TFG: variants seen among roughly 807,000 people sequenced by gnomAD.
TFG encodes the protein protein TFG.
In TFG, 22 loss-of-function variants were observed where a neutral mutation model predicts 51.4. The ratio of observed to expected loss-of-function variants is 0.43; its 90% confidence interval spans 0.31 to 0.61. The LOEUF (loss-of-function observed/expected upper bound fraction) is 0.61, where lower values mean the gene tolerates loss of function less well. Ranked by LOEUF, TFG falls within the 20% of genes least tolerant of loss-of-function variation. The pLI, the probability that TFG is intolerant of heterozygous loss-of-function variation, is 0.12. For missense variants in TFG, 419 were observed against 487.7 expected (o/e 0.86, Z 1.33); for synonymous variants, 187 against 165.6 (o/e 1.13, Z -0.99).
rs2095024640 is a variant in TFG, at chr3:100,709,879, TGGGAGGGAGGACGAGGCCGGGG to T, written c.-44+166_-44+187del. On this transcript the variant is annotated intron_variant, in intron 1 of 7. Coordinates refer to ENST00000240851, the MANE Select transcript of TFG (RefSeq NM_006070.6). ...GGAGGGGGTGGGAGGGAGGAGGGGG[TGGGAGGGAGGACGAGGCCGGGG>T]GGGAGGGCGGGCGGGGCCTTGCATG... is the stretch of plus-strand genomic sequence containing the variant. 8.5e-5 allele frequency: 4 copies of T among 47,024 alleles called. No homozygotes were observed. The South Asian group carries it at 3.3e-3, about 39-fold the overall frequency. The allele number at this position is 47,024 out of a possible 1,614,324, so 2.9% of individuals were successfully genotyped here.
At chr3:100,714,280 A>G (rs992949162) in intron 2 of TFG, among the ~76,000 whole-genome samples, 8 of 152,136 alleles carry the variant, frequency 5.3e-5, no homozygotes, top group Non-Finnish European at 1.0e-4. Context: ...TAGGCGGATC[A>G]TTTGAGGTCA....
chr3:100,719,971 C>A lies in TFG; in HGVS notation c.185-4C>A. ...AAACAACCTTTTTTTTTTTTAAATTCCAGATGGAGATCTTATAACAATTTT... is the reference window on the plus strand; with the variant it reads ...AAACAACCTTTTTTTTTTTTAAATTACAGATGGAGATCTTATAACAATTTT... On this transcript the variant is annotated splice_polypyrimidine_tract_variant and splice_region_variant and intron_variant, in intron 2 of 7. Coordinates refer to ENST00000240851, the MANE Select transcript of TFG (RefSeq NM_006070.6). The A allele has an allele frequency of 1.3e-6, 2 of 1,514,940 alleles. No individual in the cohort carries two copies. Among genetic ancestry groups the A allele is most frequent in the Non-Finnish European group, 1.8e-6 (2 of 1,123,170 alleles). The allele number at this position is 1,514,940 out of a possible 1,614,324, so 93.8% of individuals were successfully genotyped here.
intron 3 of TFG, among the ~76,000 whole-genome samples, chr3:100,720,976 A>G (rs904692331): frequency 6.6e-6 from 1 of 152,128 alleles, no homozygotes; most frequent in Non-Finnish European, 1.5e-5. Context: ...CTTAGAGTTC[A>G]GTGTGAAATA....
At chr3:100,740,011 G>A (rs1391652572) in intron 6 of TFG, among the ~76,000 whole-genome samples, 5 of 151,952 alleles carry the variant, frequency 3.3e-5, no homozygotes, top group Admixed American at 1.3e-4. Flanking sequence ...TTCAAGATTC[G>A]TTTGTTAAAT....
chr3:100,734,350 C>T (rs1425732037), intron 5 of TFG, among the ~76,000 whole-genome samples: 1 of 152,098 alleles, frequency 6.6e-6, no homozygotes, highest in Non-Finnish European at 1.5e-5. Flanking sequence ...CGTCTGCTCT[C>T]CCAGCCCTAT....
chr3:100,732,467 A>G, intron 4 of TFG, 41 bp from the exon 5 acceptor site: 1 of 1,521,324 alleles, frequency 6.6e-7, no homozygotes, highest in Non-Finnish European at 8.9e-7. Flanking sequence ...GAATATAGAT[A>G]AAAAGGAAAC....
intron 6 of TFG, chr3:100,742,438 T>C (rs1477217765): frequency 6.6e-6 from 1 of 152,158 alleles, no homozygotes; most frequent in African/African-American, 2.4e-5. Flanking sequence ...AAGATAATGA[T>C]TTATGCAGTT....
chr3:100,736,572 C>A lies in TFG; in HGVS notation c.581-4C>A. On this transcript the variant is annotated splice_region_variant and splice_polypyrimidine_tract_variant and intron_variant, in intron 5 of 7. Transcript: ENST00000240851. ...ACTAAACTGACTTTTTTTTGACTAT[C>A]CAGGGCCACCCAGTGCTCCTGCAGA... The A allele has an allele frequency of 6.2e-7, 1 of 1,613,242 alleles. No homozygotes were observed. Among genetic ancestry groups the A allele is most frequent in the Non-Finnish European group, 8.5e-7 (1 of 1,179,696 alleles).
intron 3 of TFG, among the ~76,000 whole-genome samples, chr3:100,728,492 A>G (rs1270937901): frequency 3.3e-5 from 5 of 151,982 alleles, no homozygotes; most frequent in Non-Finnish European, 7.4e-5. Context: ...GTCATAGGCT[A>G]TAGGTATGGC....
intron 3 of TFG, among the ~76,000 whole-genome samples, chr3:100,725,190 G>A (rs2095071763): frequency 6.6e-6 from 1 of 152,118 alleles, no homozygotes; most frequent in Admixed American, 6.5e-5. Flanking sequence ...ACAGATATGA[G>A]CCACCACGCC....
At position 100,736,628 on chromosome 3, in the gene TFG, TTCC is replaced by T. The variant is rs1157222087; in HGVS notation, c.642_644del (p.Ser215del). 2 of 1,613,870 alleles carry T rather than the reference TTCC, an allele frequency of 1.2e-6. No homozygotes were observed. Among genetic ancestry groups the T allele is most frequent in the African/African-American group, 1.3e-5 (1 of 74,892 alleles). On this transcript the variant is annotated inframe_deletion, in exon 6 of 8. Transcript: ENST00000240851. ...GTTCAGGAACACCCGACAGCATTGC[TTCC>T]TCCTCCTCAGCAGCTCACCCACCAG...
rs1471428175 is a variant in TFG, at chr3:100,728,690, CAAAT to C, written c.269-17_269-14del. 1.9e-6 allele frequency: 3 copies of C among 1,556,156 alleles called. No homozygotes were observed. The highest frequency in any genetic ancestry group is 1.4e-5 in the African/African-American group (1 of 71,614). On this transcript the variant is annotated intron_variant, in intron 3 of 7. Transcript: ENST00000240851. ...TTATTCATGAACTTCTAATTTTAAG[CAAAT>C]AAATGTTTTTATTTCAGTTAATGGC...
At chr3:100,746,509 TAAAAA>T (rs986010186) in intron 7 of TFG, among the ~76,000 whole-genome samples, 1 of 149,090 alleles carries the variant, frequency 6.7e-6, no homozygotes. Flanking sequence ...TCCTATGTAT[TAAAAA>T]AAAAACTCAC....
At chr3:100,727,826 A>G (rs754581149) in intron 3 of TFG, among the ~76,000 whole-genome samples, 6 of 152,154 alleles carry the variant, frequency 3.9e-5, no homozygotes, top group Middle Eastern at 6.8e-3. Context: ...ATATTTTTAA[A>G]TTTATATTTA....
At position 100,711,221 on chromosome 3, in the gene TFG, G is replaced by C. The variant is rs562989473; in HGVS notation, c.-44+1500G>C. Among the ~76,000 whole-genome samples, 1,010 of 152,068 alleles carry C rather than the reference G, an allele frequency of 6.6e-3. 10 individuals carry two copies. Among genetic ancestry groups the C allele is most frequent in the African/African-American group, 0.022 (916 of 41,464 alleles). On this transcript the variant is annotated intron_variant, in intron 1 of 7. Transcript: ENST00000240851. ...GGGTTCAAGCGATTCTCCTGCCTCA[G>C]TCTCCTGAGTATCTGGGATTACAGG...
At chr3:100,738,175 T>C (rs2095111822) in intron 6 of TFG, among the ~76,000 whole-genome samples, 1 of 152,198 alleles carries the variant, frequency 6.6e-6, no homozygotes, top group South Asian at 2.1e-4. Flanking sequence ...ATCAGTGGTT[T>C]GCGAAGAATT....
Position 100,748,242 on chromosome 3 carries a change from C to G in TFG, c.914C>G (p.Ser305Cys). ...PTSQAPAPAF[S>C]GQPQQLPAQP... Reference sequence around the variant, plus strand: ...TCCCAGGCACCAGCTCCTGCCTTTTCTGGTCAGCCTCAACAACTGCCTGCT... The same window carrying G: ...TCCCAGGCACCAGCTCCTGCCTTTTGTGGTCAGCCTCAACAACTGCCTGCT... The change falls in exon 8 of 8, where the codon TCT (serine) becomes TGT (cysteine). Residue 305 changes from serine to cysteine, a missense_variant. By Grantham distance (112) the Ser-to-Cys change is moderately radical. Around this residue, in one of 3 missense-constraint regions of TFG, gnomAD observed 391 missense variants for 434.4 expected, o/e 0.90. Coordinates refer to ENST00000240851, the MANE Select transcript of TFG (RefSeq NM_006070.6). 3 of 1,614,114 alleles carry G rather than the reference C, an allele frequency of 1.9e-6. No individual in the cohort carries two copies. The highest frequency in any genetic ancestry group is 2.5e-6 in the Non-Finnish European group (3 of 1,179,994).
At chr3:100,716,998 A>G (rs1222752796) in intron 2 of TFG, among the ~76,000 whole-genome samples, 1 of 151,394 alleles carries the variant, frequency 6.6e-6, no homozygotes, top group East Asian at 1.9e-4. Context: ...TTCTCTTTTC[A>G]CTCTTGATTG....
At position 100,733,183 on chromosome 3, in the gene TFG, A is replaced by C. The variant is rs925991935; in HGVS notation, c.580+511A>C. Among the ~76,000 whole-genome samples, 5 of 152,114 alleles carry C rather than the reference A, an allele frequency of 3.3e-5. No homozygotes were observed. In the East Asian group the frequency reaches 9.6e-4, roughly 29 times the overall value. Reference sequence around the variant, plus strand: ...GTTTTATTCTGTTTAACTTTTGGTTATAATTTCTTCATTATTTTTTCCTGC... The same window carrying C: ...GTTTTATTCTGTTTAACTTTTGGTTCTAATTTCTTCATTATTTTTTCCTGC... On this transcript the variant is annotated intron_variant, in intron 5 of 7. Coordinates refer to ENST00000240851, the MANE Select transcript of TFG (RefSeq NM_006070.6).
Sources: gnomAD v4.1 joint callset for allele counts (sites outside exome capture counted in the v4.1 genomes callset) on GRCh38, gnomAD v4.1.1 for gene constraint, gnomAD v4.1.1 regional missense constraint, MANE v1.5 for transcripts, NCBI Gene and HGNC (gene_info 2026-07-23, HGNC 2026-07-21) for gene names.